The following WIPI1 variants were observed in gnomAD, a reference collection of about 807,000 sequenced individuals.
WIPI1 encodes WD repeat domain phosphoinositide-interacting protein 1.
WIPI1 carries 45 observed loss-of-function variants against 55.3 expected under a neutral mutation model. The observed-to-expected ratio is 0.81, with a 90% CI of 0.64 to 1.04. The LOEUF (loss-of-function observed/expected upper bound fraction) is 1.04. Ranked by LOEUF, WIPI1 falls within the 50% of genes least tolerant of loss-of-function variation. WIPI1 has a pLI of 0.00. For missense variants in WIPI1, 445 were observed against 559.0 expected (o/e 0.80, Z 2.06); for synonymous variants, 195 against 217.6 (o/e 0.90, Z 0.92).
intron 11 of WIPI1, 52 bp downstream of exon 11, chr17:68,427,083 G>T: frequency 6.8e-7 from 1 of 1,464,286 alleles, no homozygotes; most frequent in Non-Finnish European, 9.6e-7. Context: ...AGGGAGAAGG[G>T]GAGGGAGGTC....
chr17:68,434,824 C>T (rs143441645), intron 6 of WIPI1, among the ~76,000 whole-genome samples, 198 bp from the exon 7 acceptor site: 2 of 152,168 alleles, frequency 1.3e-5, no homozygotes, highest in African/African-American at 4.8e-5. Flanking sequence ...CTCTGTCTAC[C>T]TTTTCCCTTC....
chr17:68,426,240 G>GGTC (rs1555798442), intron 11 of WIPI1, 65 bp from the exon 12 acceptor site: 1 of 1,131,342 alleles, frequency 8.8e-7, no homozygotes, highest in Non-Finnish European at 1.3e-6. Context: ...TGACCTGGCG[G>GGTC]GTGGGGAGCG....
intron 1 of WIPI1, among the ~76,000 whole-genome samples, chr17:68,453,398 C>T (rs943412083): frequency 6.6e-5 from 10 of 152,104 alleles, no homozygotes; most frequent in African/African-American, 9.7e-5. Flanking sequence ...AGGCACTTTA[C>T]CAGATAAATC....
chr17:68,433,785 T>TTTGTTTTTTTG (rs1568633104), intron 7 of WIPI1, among the ~76,000 whole-genome samples: 49 of 88,324 alleles, frequency 5.5e-4, no homozygotes, highest in African/African-American at 1.6e-3. Flanking sequence ...TTTTTTTTTT[T>TTTGTTTTTTTG]TTTTTTTTTT....
intron 3 of WIPI1, among the ~76,000 whole-genome samples, chr17:68,449,196 T>C (rs1277447458): frequency 1.3e-5 from 2 of 152,250 alleles, no homozygotes; most frequent in Non-Finnish European, 2.9e-5. Flanking sequence ...TAAATCTGCA[T>C]GGTCACATAA....
chr17:68,428,644 C>T (rs1819415764), intron 10 of WIPI1, 185 bp downstream of exon 10: 1 of 562,812 alleles, frequency 1.8e-6, no homozygotes, highest in South Asian at 2.0e-5. Flanking sequence ...CAGATGATTA[C>T]CACATGCTGA....
intron 4 of WIPI1, chr17:68,440,959 C>G (rs1325266732): frequency 6.6e-6 from 1 of 152,204 alleles, no homozygotes; most frequent in Non-Finnish European, 1.5e-5. Context: ...AAAAGGGAAG[C>G]ATTTATACCA....
Position 68,434,614 on chromosome 17 carries a change from G to A in WIPI1, c.634C>T (p.Arg212Trp), listed in dbSNP as rs761205787. 9.9e-6 allele frequency: 16 copies of A among 1,613,816 alleles called. 1 individual carries two copies. Among genetic ancestry groups the A allele is most frequent in the African/African-American group, 4.0e-5 (3 of 74,908 alleles). ...TGCCCATCAGGGACAGAGAACACCC[G>A]GATGACTGTGCCCTGGAAAAGAAAG... ...ASASEKGTVI[R>W]VFSVPDGQKL... is the part of the protein sequence containing the mutation. Residue 212 changes from arginine to tryptophan, a missense_variant, in exon 7 of 13, where the codon CGG becomes TGG. Physicochemically the swap from Arg to Trp is moderately radical, Grantham distance 101. Coordinates refer to ENST00000262139, the MANE Select transcript of WIPI1 (RefSeq NM_017983.7).
chr17:68,444,057 A>G (rs1030783300), intron 4 of WIPI1, among the ~76,000 whole-genome samples: 10 of 152,214 alleles, frequency 6.6e-5, no homozygotes, highest in Admixed American at 2.0e-4. Context: ...GTAATAAAAC[A>G]TATTCTTTAT....
At chr17:68,429,337 T>C (rs903054562) in intron 9 of WIPI1, among the ~76,000 whole-genome samples, 4 of 152,328 alleles carry the variant, frequency 2.6e-5, no homozygotes, top group Admixed American at 2.0e-4. Context: ...ATTTTAAAAA[T>C]GTTCAACTTT....
intron 3 of WIPI1, among the ~76,000 whole-genome samples, chr17:68,449,898 C>T (rs1385057363): frequency 6.6e-6 from 1 of 152,174 alleles, no homozygotes; most frequent in Non-Finnish European, 1.5e-5. Context: ...GTAGTCCCAG[C>T]TACTCAGGAG....
chr17:68,448,635 A>G (rs2084378350), intron 3 of WIPI1, among the ~76,000 whole-genome samples: 1 of 152,310 alleles, frequency 6.6e-6, no homozygotes, highest in East Asian at 1.9e-4. Flanking sequence ...GAAATCATAC[A>G]AGCAAATACA....
chr17:68,451,326 C>T (rs1160701436), intron 2 of WIPI1, among the ~76,000 whole-genome samples: 3 of 152,104 alleles, frequency 2.0e-5, no homozygotes, highest in South Asian at 2.1e-4. Flanking sequence ...CTCAGCTACT[C>T]GGGAGGCTGA....
At chr17:68,450,595 C>T (rs570054318) in intron 3 of WIPI1, 133 bp downstream of exon 3, 13 of 1,223,244 alleles carry the variant, frequency 1.1e-5, no homozygotes, top group African/African-American at 9.2e-5. Context: ...CCCCGGGACA[C>T]GGGGCCTGAG....
At chr17:68,440,807 T>C (rs1182319977) in intron 4 of WIPI1, 2 of 152,222 alleles carry the variant, frequency 1.3e-5, no homozygotes, top group African/African-American at 2.4e-5. Context: ...ATTTAAAGTA[T>C]TGCATGTCAA....
intron 12 of WIPI1, among the ~76,000 whole-genome samples, chr17:68,425,186 C>T (rs1457631841): frequency 1.3e-5 from 2 of 152,178 alleles, no homozygotes; most frequent in African/African-American, 4.8e-5. Flanking sequence ...ACCTGCTGCC[C>T]TCCACAGAGC....
Position 68,427,016 on chromosome 17 carries a change from G to T in WIPI1, c.1192+119C>A, listed in dbSNP as rs144724567. On this transcript the variant is annotated intron_variant, in intron 11 of 12. Transcript: ENST00000262139. ...CCCAGGTAACAGTGAAGGGGGAAGG[G>T]GAGGGAGGGCACTCCACCCCCAGGT... The T allele has an allele frequency of 1.5e-4, 123 of 802,974 alleles. 1 individual carries two copies. The highest frequency in any genetic ancestry group is 2.0e-6 in the Non-Finnish European group (1 of 490,536). The allele number at this position is 802,974 out of a possible 1,614,324, so 49.7% of individuals were successfully genotyped here.
intron 6 of WIPI1, among the ~76,000 whole-genome samples, chr17:68,435,206 CA>C (rs35370218): frequency 0.016 from 2,228 of 139,160 alleles, 58 homozygotes; most frequent in East Asian, 0.089. Flanking sequence ...GACTCCACCT[CA>C]AAAAAAAAAA....
intron 6 of WIPI1, 32 bp downstream of exon 6, chr17:68,435,588 C>A: frequency 1.2e-6 from 2 of 1,609,156 alleles, no homozygotes; most frequent in Non-Finnish European, 1.7e-6. Flanking sequence ...CCAGCGAAAC[C>A]CAGACAGAGG....
Sources: gnomAD v4.1 joint callset for allele counts (sites outside exome capture counted in the v4.1 genomes callset) on GRCh38, gnomAD v4.1.1 for gene constraint, MANE v1.5 for transcripts, NCBI Gene and HGNC (gene_info 2026-07-23, HGNC 2026-07-21) for gene names.